The following ANKS1B variants were observed in gnomAD, a reference collection of about 807,000 sequenced individuals.
ANKS1B encodes the protein ankyrin repeat and sterile alpha motif domain containing 1B, also known as ankyrin repeat and sterile alpha motif domain-containing protein 1B.
A neutral mutation model predicts 148.3 loss-of-function variants in ANKS1B; 36 were observed. The observed-to-expected ratio is 0.24, with a 90% confidence interval of 0.19 to 0.32. The LOEUF is 0.32. Ranked by LOEUF, ANKS1B falls within the 10% of genes least tolerant of loss-of-function variation. The probability of loss-of-function intolerance (pLI) is 1.00; values close to 1 mark genes in which losing one functional copy is unlikely to be tolerated. For missense variants in ANKS1B, 1,157 were observed against 1,542.6 expected, an observed-to-expected ratio of 0.75 and a Z score of 4.19; for synonymous variants, 542 against 560.8, an observed-to-expected ratio of 0.97 and a Z score of 0.47.
intron 9 of ANKS1B, among the ~76,000 whole-genome samples, chr12:99,577,134 A>G (rs2097526870): frequency 6.6e-6 from 1 of 151,976 alleles, no homozygotes; most frequent in South Asian, 2.1e-4. Context: ...AGACCTAGAA[A>G]TACTGATATT....
chr12:99,435,374 T>C lies in ANKS1B; in HGVS notation c.1575+8299A>G, dbSNP rs1359418190. 4.5e-4 allele frequency among the ~76,000 whole-genome samples: 69 copies of C among 152,052 alleles called. 1 individual carries two copies. The highest frequency in any genetic ancestry group is 1.5e-5 in the Non-Finnish European group (1 of 67,964). On this transcript the variant is annotated intron_variant, in intron 11 of 26. Transcript: ENST00000683438. ...CATATGTAGCCAACATCTTCTTAAG[T>C]AGGTTCCAATGATTTAGGGAACTTT...
intron 14 of ANKS1B, among the ~76,000 whole-genome samples, chr12:99,233,165 T>C (rs2087184547): frequency 6.6e-6 from 1 of 152,140 alleles, no homozygotes; most frequent in Admixed American, 6.6e-5. Flanking sequence ...AACTACAAGA[T>C]GTTTCATTAT....
chr12:99,461,418 C>A (rs1402462265), intron 10 of ANKS1B, among the ~76,000 whole-genome samples: 3 of 151,090 alleles, frequency 2.0e-5, no homozygotes, highest in South Asian at 2.1e-4. Context: ...TTCCTAAAAA[C>A]CTATTAAAAT....
At position 99,214,471 on chromosome 12, in the gene ANKS1B, C is replaced by T. The variant is rs117374551; in HGVS notation, c.2419+29871G>A. The stretch of plus-strand genomic sequence containing the variant: ...TTCTCATGGTAGTTAATAAATCTCA[C>T]GAGATCTGATGGTTTTATAAGGGGC... On this transcript the variant is annotated intron_variant, in intron 14 of 26. Coordinates refer to ENST00000683438, the MANE Select transcript of ANKS1B (RefSeq NM_001352186.2). Among the ~76,000 whole-genome samples the T allele has an allele frequency of 4.1e-3, 622 of 152,240 alleles. 22 individuals are homozygous for T. In the East Asian group the frequency reaches 0.081, roughly 20 times the overall value.
At chr12:99,311,421 G>T (rs1217832183) in intron 12 of ANKS1B, among the ~76,000 whole-genome samples, 2 of 152,078 alleles carry the variant, frequency 1.3e-5, no homozygotes, top group Non-Finnish European at 2.9e-5. Context: ...TGTATCAAAA[G>T]AAGGGCATAT....
intron 9 of ANKS1B, among the ~76,000 whole-genome samples, chr12:99,567,860 A>G (rs2097412902): frequency 6.6e-6 from 1 of 152,186 alleles, no homozygotes; most frequent in Admixed American, 6.5e-5. Context: ...CCTAGGAAAG[A>G]GCTTATCAAC....
At chr12:98,879,093 T>G (rs1291000177) in intron 17 of ANKS1B, among the ~76,000 whole-genome samples, 3 of 152,224 alleles carry the variant, frequency 2.0e-5, no homozygotes, top group Non-Finnish European at 4.4e-5. Context: ...TTCTTGTTGT[T>G]AAACTTAATT....
chr12:99,731,515 A>G (rs1484074776), intron 8 of ANKS1B, among the ~76,000 whole-genome samples: 1 of 151,536 alleles, frequency 6.6e-6, no homozygotes, highest in African/African-American at 2.4e-5. Flanking sequence ...TTCTCATGCT[A>G]TTATGCCAGA....
At chr12:99,604,773 C>A (rs907280627) in intron 9 of ANKS1B, among the ~76,000 whole-genome samples, 1 of 148,566 alleles carries the variant, frequency 6.7e-6, no homozygotes, top group Non-Finnish European at 1.5e-5. Context: ...TGAGATCACA[C>A]CATTGCACTC....
intron 14 of ANKS1B, among the ~76,000 whole-genome samples, chr12:99,205,550 G>A (rs2082564015): frequency 6.6e-6 from 1 of 152,188 alleles, no homozygotes; most frequent in Non-Finnish European, 1.5e-5. Flanking sequence ...ATGTTACTGA[G>A]CCCTTTTCAG....
chr12:99,647,679 G>A (rs993533493), intron 9 of ANKS1B: 1 of 162,510 alleles, frequency 6.2e-6, no homozygotes, highest in African/African-American at 2.4e-5. Flanking sequence ...GGGTGACAGA[G>A]ACAAAGGGGT....
chr12:98,745,226 G>GT lies in ANKS1B; in HGVS notation c.*512dup, dbSNP rs1047075457. 1.0e-6 allele frequency: 1 copy of GT among 985,660 alleles called. No homozygotes were observed. Among genetic ancestry groups the GT allele is most frequent in the African/African-American group, 1.7e-5 (1 of 57,214 alleles). The allele number at this position is 985,660 out of a possible 1,614,324, so 61.1% of individuals were successfully genotyped here. On this transcript the variant is annotated 3_prime_UTR_variant, in exon 27 of 27. Coordinates refer to ENST00000683438, the MANE Select transcript of ANKS1B (RefSeq NM_001352186.2). ...TCCTGGCAATCATATCACGGGAGTT[G>GT]TTTTTGTCCTTTTGCATTAAACGAT...
At position 99,324,879 on chromosome 12, in the gene ANKS1B, A is replaced by C. The variant is rs149991539; in HGVS notation, c.1756+74752T>G. ...TATGTGGTCCTAACACCAAACATTG[A>C]AATATCCCTGCCTAGACTCCCTGAA... On this transcript the variant is annotated intron_variant, in intron 12 of 26. Transcript: ENST00000683438. 1.5e-3 allele frequency among the ~76,000 whole-genome samples: 224 copies of C among 152,258 alleles called. 1 individual carries two copies. The highest frequency in any genetic ancestry group is 4.9e-3 in the African/African-American group (202 of 41,570).
intron 16 of ANKS1B, among the ~76,000 whole-genome samples, chr12:99,077,151 C>T (rs535109631): frequency 6.6e-6 from 1 of 152,234 alleles, no homozygotes; most frequent in South Asian, 2.1e-4. Context: ...TTACTAAGGA[C>T]TGGACCTATA....
At chr12:99,501,583 T>C (rs961011923) in intron 10 of ANKS1B, among the ~76,000 whole-genome samples, 21 of 152,300 alleles carry the variant, frequency 1.4e-4, no homozygotes, top group African/African-American at 5.1e-4. Flanking sequence ...TGGAGTCCCC[T>C]TGGGGTGGGG....
chr12:99,783,140 G>A (rs552267447), intron 4 of ANKS1B, among the ~76,000 whole-genome samples: 2 of 149,526 alleles, frequency 1.3e-5, no homozygotes, highest in African/African-American at 2.5e-5. Flanking sequence ...GCAGTGAGCC[G>A]AGATCGCACC....
At chr12:99,200,597 C>T (rs1398990091) in intron 14 of ANKS1B, among the ~76,000 whole-genome samples, 1 of 152,244 alleles carries the variant, frequency 6.6e-6, no homozygotes, top group Non-Finnish European at 1.5e-5. Flanking sequence ...TTCTCCATTG[C>T]TCTATGTATA....
chr12:98,843,940 T>C (rs376425517), intron 17 of ANKS1B, among the ~76,000 whole-genome samples: 2 of 152,110 alleles, frequency 1.3e-5, no homozygotes, highest in Non-Finnish European at 2.9e-5. Context: ...TGCCCAGATA[T>C]GAGAAGAGGA....
intron 9 of ANKS1B, among the ~76,000 whole-genome samples, chr12:99,568,285 T>A (rs759320271): frequency 6.6e-6 from 1 of 152,164 alleles, no homozygotes; most frequent in African/African-American, 2.4e-5. Flanking sequence ...GCCAGCAGCA[T>A]ATCATTTTCA....
Sources: allele counts gnomAD v4.1 joint callset (sites outside exome capture counted in the v4.1 genomes callset), GRCh38; gene constraint gnomAD v4.1.1; transcripts MANE v1.5; gene names NCBI Gene and HGNC (gene_info 2026-07-23, HGNC 2026-07-21).